Variants in TRIM7 observed in about 807,000 individuals in gnomAD.
The protein encoded by TRIM7 is tripartite motif containing 7, also known as E3 ubiquitin-protein ligase TRIM7.
In TRIM7, 32 loss-of-function variants were observed where a neutral mutation model predicts 37.9. The ratio of observed to expected loss-of-function variants is 0.84; its 90% CI spans 0.64 to 1.13. The LOEUF is 1.13. Among genes scored for constraint, TRIM7 ranks in the 50% most tolerant of loss-of-function variants. The probability of loss-of-function intolerance (pLI) is 0.00; values close to 1 mark genes in which losing one functional copy is unlikely to be tolerated. For missense variants in TRIM7, 732 were observed against 714.0 expected (o/e 1.03, Z -0.29); for synonymous variants, 351 against 321.3 (o/e 1.09, Z -0.99).
In TRIM7 at chr5:181,194,472, CAG is replaced by C. The variant is rs33920740; in HGVS notation, c.*692_*693del. ...CTTTGGCACTGGAAAGTGCGGGAGT[CAG>C]GGGTTTGTGAGAGCACGTGTTGGTT... On this transcript the variant is annotated 3_prime_UTR_variant, in exon 7 of 7. Coordinates refer to ENST00000274773, the MANE Select transcript of TRIM7 (RefSeq NM_203293.3). 28,195 of 152,314 alleles carry C rather than the reference CAG, an allele frequency of 0.19. 5,429 individuals carry two copies. Among genetic ancestry groups the C allele is most frequent in the African/African-American group, 0.5 (20,729 of 41,454 alleles). 9.4% of individuals were successfully genotyped at this position (152,314 alleles called of 1,614,324 possible).
At chr5:181,196,677 A>G (rs1041477004) in intron 6 of TRIM7, 4 of 152,256 alleles carry the variant, frequency 2.6e-5, no homozygotes, top group African/African-American at 9.6e-5. Flanking sequence ...AGATCAGGCC[A>G]CTGTACTCCA....
chr5:181,201,804 A>G (rs1408444118), intron 2 of TRIM7, among the ~76,000 whole-genome samples: 1 of 152,198 alleles, frequency 6.6e-6, no homozygotes, highest in African/African-American at 2.4e-5. Flanking sequence ...CAGAGGTGGA[A>G]GGTGTTAAGC....
intron 1 of TRIM7, 178 bp downstream of exon 1, chr5:181,204,411 G>T: frequency 1.7e-6 from 2 of 1,169,228 alleles, no homozygotes; most frequent in Non-Finnish European, 2.2e-6. Context: ...TGTTGGGGGT[G>T]ACAGAGAACC....
intron 2 of TRIM7, among the ~76,000 whole-genome samples, chr5:181,201,329 A>G (rs1757471939): frequency 1.3e-5 from 2 of 152,188 alleles, no homozygotes; most frequent in South Asian, 4.1e-4. Context: ...GGGTAGGAGC[A>G]TTTTCAAATA....
At chr5:181,204,554 C>T in intron 1 of TRIM7, 35 bp downstream of exon 1, 2 of 1,340,204 alleles carry the variant, frequency 1.5e-6, no homozygotes, top group African/African-American at 1.5e-5. Flanking sequence ...CAGGGGGTCC[C>T]GGGGACCCAC....
intron 2 of TRIM7, among the ~76,000 whole-genome samples, chr5:181,201,726 A>C (rs1229779326): frequency 2.6e-5 from 4 of 152,242 alleles, no homozygotes; most frequent in African/African-American, 9.6e-5. Context: ...ACTCTGTCTA[A>C]AAGCAAAGCA....
rs1364658813 is a variant in TRIM7, at chr5:181,200,766, A to AT, written c.619-686dup. 5 of 985,790 alleles carry AT rather than the reference A, an allele frequency of 5.1e-6. No homozygotes were observed. The African/African-American group carries it at 8.7e-5, about 17-fold the overall frequency. The allele number at this position is 985,790 out of a possible 1,614,324, so 61.1% of individuals were successfully genotyped here. A position where few individuals can be genotyped will look rare whatever the true frequency, so the allele number is the denominator to read the frequency against. On this transcript the variant is annotated intron_variant, in intron 2 of 6. Transcript: ENST00000274773. ...TGCAGACTCATGCCCTGATCTCTTGATTTTTTATGTGAACACACGTTTGGC... is the reference window on the plus strand; with the variant it reads ...TGCAGACTCATGCCCTGATCTCTTGATTTTTTTATGTGAACACACGTTTGGC...
chr5:181,194,746 G>T lies in TRIM7; in HGVS notation c.*420C>A, dbSNP rs1433376722. ...TCAAGGCAGAGCTGGCAGCTGTCCA[G>T]AAGGCAGCAGCCATGATAACAAACG... On this transcript the variant is annotated 3_prime_UTR_variant, in exon 7 of 7. Transcript: ENST00000274773. The T allele has an allele frequency of 1.2e-5, 2 of 161,922 alleles. No individual in the cohort carries two copies. The allele number at this position is 161,922 out of a possible 1,614,324, so 10.0% of individuals were successfully genotyped here. A position where few individuals can be genotyped will look rare whatever the true frequency, so the allele number is the denominator to read the frequency against.
At chr5:181,202,184 T>G (rs1209016246) in intron 2 of TRIM7, 1 of 152,000 alleles carries the variant, frequency 6.6e-6, no homozygotes, top group African/African-American at 2.4e-5. Context: ...CATTCTTTTT[T>G]TTTTTTTTTT....
intron 2 of TRIM7, chr5:181,200,625 G>A (rs1309226918): frequency 2.2e-5 from 22 of 1,004,292 alleles, no homozygotes; most frequent in Non-Finnish European, 2.5e-5. Flanking sequence ...CGATGCCAGT[G>A]ACCAGAGGTA....
chr5:181,200,688 T>C (rs745403684), intron 2 of TRIM7: 80 of 993,610 alleles, frequency 8.1e-5, no homozygotes, highest in Non-Finnish European at 2.9e-5. Flanking sequence ...AAGTGTCATA[T>C]TCTGTTCTTT....
At chr5:181,199,460 A>C in intron 3 of TRIM7, 1 of 492,322 alleles carries the variant, frequency 2.0e-6, no homozygotes, top group Non-Finnish European at 3.6e-6. Context: ...GCCCTTATGC[A>C]CCTACTGCTC....
In TRIM7 at chr5:181,204,944, C is replaced by A; in HGVS notation, c.167G>T (p.Cys56Phe). 1.4e-6 allele frequency: 2 copies of A among 1,441,978 alleles called. No individual in the cohort carries two copies. The highest frequency in any genetic ancestry group is 1.4e-5 in the South Asian group (1 of 72,300). The allele number at this position is 1,441,978 out of a possible 1,614,324, so 89.3% of individuals were successfully genotyped here. Residue 56 changes from cysteine (C) to phenylalanine (F), a missense_variant, in exon 1 of 7, where the codon TGC becomes TTC. By Grantham distance (205) the Cys-to-Phe change is radical. Transcript: ENST00000274773. ...HSFCRACIGR[C>F]WERPGAGSVG... ...AGACCCCGCGCCCGGGCGCTCCCAG[C>A]AGCGCCCTATGCAGGCGCGGCAGAA...
chr5:181,199,932 G>A lies in TRIM7; in HGVS notation c.768C>T (p.Leu256=), dbSNP rs778690711. The stretch of plus-strand genomic sequence containing the variant: ...TGGACAGCTGGGTGATCTCAACCCC[G>A]AGCTGGGCCAGGTTCTCATTCTGCT... ...AQKQNENLAQ[L]GVEITQLSKL... is the part of the protein sequence containing the mutation. The change falls in exon 3 of 7, where the codon CTC becomes CTT. Residue 256 remains leucine (L), a synonymous_variant. Transcript: ENST00000274773. 92 of 1,614,122 alleles carry A rather than the reference G, an allele frequency of 5.7e-5. No homozygotes were observed. Among genetic ancestry groups the A allele is most frequent in the Admixed American group, 5.2e-4 (31 of 60,006 alleles).
intron 3 of TRIM7, chr5:181,199,566 C>CAT (rs1164409849): frequency 5.8e-6 from 3 of 514,402 alleles, no homozygotes; most frequent in Admixed American, 7.6e-5. Context: ...GAATAGAAAA[C>CAT]ATCAAAGTGC....
In TRIM7 at chr5:181,204,633, C is replaced by T; in HGVS notation, c.478G>A (p.Glu160Lys). The T allele has an allele frequency of 6.8e-7, 1 of 1,480,288 alleles. No homozygotes were observed. The highest frequency in any genetic ancestry group is 8.9e-7 in the Non-Finnish European group (1 of 1,128,130). The allele number at this position is 1,480,288 out of a possible 1,614,324, so 91.7% of individuals were successfully genotyped here. ...VVCDRAREHR[E>K]HAVLPLDEAV... ...TCGTCCAGCGGCAGCACGGCGTGCT[C>T]GCGGTGCTCGCGGGCGCGGTCGCAC... Residue 160 changes from glutamate to lysine, a missense_variant, in exon 1 of 7, where the codon GAG becomes AAG. Transcript: ENST00000274773.
At chr5:181,204,449 C>T in intron 1 of TRIM7, 140 bp downstream of exon 1, 3 of 1,160,180 alleles carry the variant, frequency 2.6e-6, no homozygotes, top group Non-Finnish European at 2.2e-6. Flanking sequence ...CAGCGCTGGG[C>T]TTCCTGGAAT....
intron 2 of TRIM7, chr5:181,203,195 C>A: frequency 1.1e-6 from 1 of 890,712 alleles, no homozygotes; most frequent in South Asian, 4.9e-5. Context: ...TATTGAATAT[C>A]CATGTTTCTC....
intron 6 of TRIM7, chr5:181,197,916 C>A: frequency 3.8e-6 from 2 of 527,340 alleles, no homozygotes; most frequent in South Asian, 4.7e-5. Context: ...CCCAGGTGGC[C>A]GAGAAGCCTT....
Sources: gnomAD v4.1 joint callset for allele counts (sites outside exome capture counted in the v4.1 genomes callset) on GRCh38, gnomAD v4.1.1 for gene constraint, MANE v1.5 for transcripts, NCBI Gene and HGNC (gene_info 2026-07-23, HGNC 2026-07-21) for gene names.